WIPF1: variants seen among roughly 807,000 people sequenced by gnomAD.
WIPF1 encodes the protein WAS/WASL-interacting protein family member 1.
WIPF1 carries 13 observed loss-of-function variants against 35.4 expected under a neutral mutation model. The observed-to-expected ratio is 0.37, with a 90% CI of 0.24 to 0.58. WIPF1 has a LOEUF of 0.58. WIPF1 is among the 20% of genes least tolerant of loss of function. The pLI, the probability that WIPF1 is intolerant of heterozygous loss-of-function variation, is 0.74. For missense variants in WIPF1, 591 were observed against 667.0 expected (o/e 0.89, Z 1.25); for synonymous variants, 267 against 266.3 (o/e 1.00, Z -0.02).
intron 1 of WIPF1, among the ~76,000 whole-genome samples, chr2:174,671,367 G>A (rs766832728): frequency 1.3e-5 from 2 of 152,170 alleles, no homozygotes; most frequent in African/African-American, 2.4e-5. Context: ...CGTAAGCTGA[G>A]GATGTATGTT....
chr2:174,652,775 G>A (rs1470913814), intron 1 of WIPF1, among the ~76,000 whole-genome samples: 4 of 149,160 alleles, frequency 2.7e-5, no homozygotes, highest in Non-Finnish European at 5.9e-5. Context: ...TTGCCTTAAG[G>A]TATGTAAATT....
chr2:174,677,772 C>T (rs944097429), intron 1 of WIPF1, among the ~76,000 whole-genome samples: 1 of 152,118 alleles, frequency 6.6e-6, no homozygotes, highest in African/African-American at 2.4e-5. Context: ...AGAGAAGGGG[C>T]AGTGTGGAGA....
At chr2:174,602,402 T>G (rs146815324), upstream of WIPF1, among the ~76,000 whole-genome samples, 32 of 152,380 alleles carry the variant, frequency 2.1e-4, 1 homozygote, top group South Asian at 1.7e-3. Context: ...TTTTTCAAGT[T>G]GTGTTTCCAT....
At chr2:174,664,141 A>T (rs749021327) in intron 1 of WIPF1, among the ~76,000 whole-genome samples, 10,249 of 152,028 alleles carry the variant, frequency 0.067, 1,116 homozygotes, top group African/African-American at 0.23. Flanking sequence ...TCTCTCTCAC[A>T]CACACACACA....
At chr2:174,664,610 G>C (rs1416519202) in intron 1 of WIPF1, among the ~76,000 whole-genome samples, 1 of 152,182 alleles carries the variant, frequency 6.6e-6, no homozygotes, top group African/African-American at 2.4e-5. Flanking sequence ...CCAGTGTCGG[G>C]CTCGGCCCAC....
intron 6 of WIPF1, 118 bp from the exon 7 acceptor site, chr2:174,567,301 GC>G: frequency 1.1e-6 from 1 of 939,892 alleles, no homozygotes. Context: ...TAGTTTTTAT[GC>G]CTAGAAGTTT....
chr2:174,598,550 T>C (rs1482570537), upstream of WIPF1, among the ~76,000 whole-genome samples: 2 of 152,184 alleles, frequency 1.3e-5, no homozygotes, highest in African/African-American at 4.8e-5. Context: ...CACTCCTAGC[T>C]TCAAAGTGAT....
At chr2:174,567,316 G>T in intron 6 of WIPF1, 133 bp from the exon 7 acceptor site, 1 of 809,922 alleles carries the variant, frequency 1.2e-6, no homozygotes, top group Non-Finnish European at 2.0e-6. Flanking sequence ...GAAGTTTACA[G>T]AAAAGCTGGA....
chr2:174,568,617 G>A (rs1229671785), intron 5 of WIPF1: 1 of 152,692 alleles, frequency 6.5e-6, no homozygotes, highest in Non-Finnish European at 1.5e-5. Flanking sequence ...CAGTCATCCT[G>A]AGAGCAGTAA....
chr2:174,567,791 A>G (rs1684707578), intron 6 of WIPF1, 70 bp downstream of exon 6: 1 of 1,476,384 alleles, frequency 6.8e-7, no homozygotes, highest in South Asian at 1.4e-5. Flanking sequence ...AAACAAGCAA[A>G]CCACATATAC....
chr2:174,585,909 G>T (rs935021864), intron 1 of WIPF1, among the ~76,000 whole-genome samples: 1 of 152,212 alleles, frequency 6.6e-6, no homozygotes, highest in Non-Finnish European at 1.5e-5. Context: ...AAGCAGGAAG[G>T]TCTCACACAA....
chr2:174,619,717 A>G (rs1051526106), intron 1 of WIPF1, among the ~76,000 whole-genome samples: 2 of 152,102 alleles, frequency 1.3e-5, no homozygotes, highest in African/African-American at 2.4e-5. Context: ...CCAAGGTGGG[A>G]GGATCACTTG....
chr2:174,620,819 C>T (rs867223403), intron 1 of WIPF1, among the ~76,000 whole-genome samples: 4 of 152,104 alleles, frequency 2.6e-5, no homozygotes, highest in African/African-American at 7.2e-5. Flanking sequence ...CACAGAGGCA[C>T]GTGAGCTGTG....
intron 1 of WIPF1, among the ~76,000 whole-genome samples, chr2:174,671,435 G>T (rs1443424574): frequency 2.6e-5 from 4 of 152,138 alleles, no homozygotes; most frequent in Non-Finnish European, 5.9e-5. Context: ...AAGCATGTGT[G>T]TTTAAACAAT....
At chr2:174,603,956 G>A (rs1451049429) in intron 1 of WIPF1, among the ~76,000 whole-genome samples, 4 of 152,140 alleles carry the variant, frequency 2.6e-5, no homozygotes. Flanking sequence ...CATTTTAAAG[G>A]AGGATTTATT....
chr2:174,655,513 T>C (rs1191967380), intron 1 of WIPF1: 1 of 152,184 alleles, frequency 6.6e-6, no homozygotes, highest in East Asian at 1.9e-4. Context: ...ACAGCTCCTC[T>C]CCCAACAGCT....
rs1253237796 is a variant in WIPF1 at position 174,567,306 on chromosome 2, G to A, written c.1343-123C>T. 25 of 880,908 alleles carry A rather than the reference G, an allele frequency of 2.8e-5. No homozygotes were observed. In the South Asian group the frequency reaches 3.8e-4, roughly 13 times the overall value. 54.6% of individuals were successfully genotyped at this position (880,908 alleles called of 1,614,324 possible). ...ACATCAGTGCTAGTTTTTATGCCTA[G>A]AAGTTTACAGAAAAGCTGGAAGTGC... On this transcript the variant is annotated intron_variant, in intron 6 of 7. Transcript: ENST00000679041.
chr2:174,573,742 G>A (rs989118905), intron 4 of WIPF1, among the ~76,000 whole-genome samples: 10 of 152,174 alleles, frequency 6.6e-5, no homozygotes, highest in African/African-American at 9.7e-5. Flanking sequence ...GAGATCCATG[G>A]GAAGTGGAGC....
chr2:174,655,175 T>A (rs1358079177), intron 1 of WIPF1, among the ~76,000 whole-genome samples: 1 of 151,992 alleles, frequency 6.6e-6, no homozygotes, highest in Non-Finnish European at 1.5e-5. Flanking sequence ...TTCACCCCCA[T>A]AATCCCCAAC....
Sources: gnomAD v4.1 joint callset for allele counts (sites outside exome capture counted in the v4.1 genomes callset) on GRCh38, gnomAD v4.1.1 for gene constraint, MANE v1.5 for transcripts, NCBI Gene and HGNC (gene_info 2026-07-23, HGNC 2026-07-21) for gene names.